Variants in NOTCH2 observed in about 807,000 individuals in gnomAD.
NOTCH2 encodes the protein notch receptor 2, also known as neurogenic locus notch homolog protein 2.
In NOTCH2, 29 loss-of-function variants were observed where a neutral mutation model predicts 235.8. That is an observed-to-expected ratio of 0.12 (90% CI 0.09 to 0.17). NOTCH2 has a LOEUF of 0.17. Ranked by LOEUF, NOTCH2 falls within the 10% of genes least tolerant of loss-of-function variation. NOTCH2 has a pLI of 1.00. For missense variants in NOTCH2, 2,285 were observed against 3,150.2 expected, an observed-to-expected ratio of 0.73 and a Z score of 6.57; for synonymous variants, 1,086 against 1,141.5, an observed-to-expected ratio of 0.95 and a Z score of 0.98.
chr1:119,955,079 T>C lies in NOTCH2; in HGVS notation c.2180A>G (p.Asn727Ser), dbSNP rs1307910167. The C allele has an allele frequency of 3.1e-6, 5 of 1,613,932 alleles. No individual in the cohort carries two copies. The highest frequency in any genetic ancestry group is 1.3e-5 in the African/African-American group (1 of 74,906). Reference protein sequence around the residue: ...CYSQVNECLSNPCIHGNCTGG... With the variant: ...CYSQVNECLSSPCIHGNCTGG... ...AGTACAGTTTCCATGGATGCAGGGA[T>C]TGCTCAGGCATTCGTTCACCTGTGA... Residue 727 changes from asparagine (N) to serine (S), a missense_variant, in exon 13 of 34, where the codon AAT (asparagine) becomes AGT (serine). Coordinates refer to ENST00000256646, the MANE Select transcript of NOTCH2 (RefSeq NM_024408.4).
intron 12 of NOTCH2, among the ~76,000 whole-genome samples, chr1:119,958,469 G>A (rs1178489945): frequency 1.3e-5 from 2 of 152,154 alleles, no homozygotes; most frequent in Non-Finnish European, 2.9e-5. Flanking sequence ...AACTCTGAAG[G>A]GTGTTTCTCA....
At chr1:120,066,069 A>G (rs1440961135) in intron 1 of NOTCH2, among the ~76,000 whole-genome samples, 23 of 152,010 alleles carry the variant, frequency 1.5e-4, no homozygotes, top group Non-Finnish European at 2.8e-4. Flanking sequence ...AATTTATTAT[A>G]TCATCTAAAT....
At chr1:120,064,673 G>A (rs1655434884) in intron 1 of NOTCH2, among the ~76,000 whole-genome samples, 1 of 141,720 alleles carries the variant, frequency 7.1e-6, no homozygotes, top group African/African-American at 2.8e-5. Context: ...TCAACACCAT[G>A]TGATTCTCTC....
At chr1:120,002,286 G>A (rs1221653440) in intron 3 of NOTCH2, among the ~76,000 whole-genome samples, 1 of 151,972 alleles carries the variant, frequency 6.6e-6, no homozygotes, top group Non-Finnish European at 1.5e-5. Context: ...GGGTAAGAAA[G>A]GCGTTACAGT....
At chr1:119,921,253 T>G (rs587723000) in intron 29 of NOTCH2, among the ~76,000 whole-genome samples, 1 of 152,346 alleles carries the variant, frequency 6.6e-6, no homozygotes, top group Non-Finnish European at 1.5e-5. Flanking sequence ...TTTAGTTTCC[T>G]GGGCTCAAGG....
intron 4 of NOTCH2, among the ~76,000 whole-genome samples, chr1:119,988,663 C>A (rs1403563489): frequency 6.6e-6 from 1 of 152,060 alleles, no homozygotes; most frequent in East Asian, 1.9e-4. Flanking sequence ...TGAAGATATT[C>A]TTTGGAAAAT....
chr1:119,929,253 T>C, intron 22 of NOTCH2, 41 bp from the exon 23 acceptor site: 1 of 1,546,550 alleles, frequency 6.5e-7, no homozygotes, highest in Non-Finnish European at 8.9e-7. Flanking sequence ...GAAAATCCTT[T>C]TAACCTGCTT....
At chr1:119,960,181 T>C (rs1553198854) in intron 11 of NOTCH2, among the ~76,000 whole-genome samples, 1 of 152,180 alleles carries the variant, frequency 6.6e-6, no homozygotes, top group Non-Finnish European at 1.5e-5. Context: ...AAACCTGTCA[T>C]TTTGAGGAAA....
intron 17 of NOTCH2, 91 bp from the exon 18 acceptor site, chr1:119,941,845 T>TG (rs1322182049): frequency 4.0e-6 from 4 of 1,003,668 alleles, no homozygotes; most frequent in Non-Finnish European, 6.2e-6. Flanking sequence ...TAAGTCATGC[T>TG]GGGGGCAGCA....
At chr1:119,920,022 T>A (rs1027412782) in intron 30 of NOTCH2, among the ~76,000 whole-genome samples, 1 of 152,258 alleles carries the variant, frequency 6.6e-6, no homozygotes, top group Non-Finnish European at 1.5e-5. Context: ...CTCAACACAC[T>A]GTACATGAAG....
chr1:120,003,237 A>C, intron 3 of NOTCH2, among the ~76,000 whole-genome samples: 1 of 152,124 alleles, frequency 6.6e-6, no homozygotes, highest in East Asian at 1.9e-4. Flanking sequence ...TCAAATATCG[A>C]ACCCCAAGTT....
At chr1:119,956,971 AC>A (rs1279458977) in intron 12 of NOTCH2, among the ~76,000 whole-genome samples, 1 of 152,242 alleles carries the variant, frequency 6.6e-6, no homozygotes. Context: ...ATGAGAAGTT[AC>A]CCAGTGTTTC....
At chr1:119,969,394 G>T in intron 6 of NOTCH2, 117 bp downstream of exon 6, 1 of 868,504 alleles carries the variant, frequency 1.2e-6, no homozygotes. Context: ...AGTCCTGAGT[G>T]ATATGTTCCC....
intron 22 of NOTCH2, among the ~76,000 whole-genome samples, chr1:119,930,562 T>C (rs1193697818): frequency 1.4e-5 from 2 of 146,146 alleles, no homozygotes; most frequent in East Asian, 4.1e-4. Context: ...GCGGATCACT[T>C]GAGGTCAGGA....
chr1:119,925,481 G>A lies in NOTCH2; in HGVS notation c.4335C>T (p.Ser1445=), dbSNP rs780300826. 2 of 1,614,164 alleles carry A rather than the reference G, an allele frequency of 1.2e-6. No homozygotes were observed. Among genetic ancestry groups the A allele is most frequent in the South Asian group, 2.2e-5 (2 of 91,082 alleles). The change falls in exon 25 of 34, where the codon AGC becomes AGT. Residue 1445 remains serine (S), a synonymous_variant. Transcript: ENST00000256646. The part of the protein sequence containing the change: ...RDGVCDEACN[S]HACQWDGGDC... ...CACCCCCATCCCACTGGCAGGCATG[G>A]CTGTTGCAGGCCTCATCACAGACGC...
At chr1:119,945,443 C>T (rs1371303333) in intron 17 of NOTCH2, among the ~76,000 whole-genome samples, 1 of 151,914 alleles carries the variant, frequency 6.6e-6, no homozygotes, top group African/African-American at 2.4e-5. Context: ...CACCATCATA[C>T]TGGAGAAAAA....
chr1:119,987,972 C>A (rs1553202429), intron 4 of NOTCH2, among the ~76,000 whole-genome samples: 1 of 152,142 alleles, frequency 6.6e-6, no homozygotes. Context: ...TCCTTGCTAC[C>A]AAACTCCTGA....
chr1:119,964,162 G>C (rs989993530), intron 10 of NOTCH2, among the ~76,000 whole-genome samples: 1 of 151,984 alleles, frequency 6.6e-6, no homozygotes, highest in Non-Finnish European at 1.5e-5. Context: ...TTCTTCCCAA[G>C]TCCAATATAC....
chr1:119,980,015 T>C (rs1031199872), intron 5 of NOTCH2, among the ~76,000 whole-genome samples: 1 of 152,236 alleles, frequency 6.6e-6, no homozygotes, highest in African/African-American at 2.4e-5. Context: ...CTTCCTAGAA[T>C]GACAAGCATG....
Sources: allele counts gnomAD v4.1 joint callset (sites outside exome capture counted in the v4.1 genomes callset), GRCh38; gene constraint gnomAD v4.1.1; transcripts MANE v1.5; gene names NCBI Gene and HGNC (gene_info 2026-07-23, HGNC 2026-07-21).